Variants in NCOA2 observed in about 807,000 individuals in gnomAD.
NCOA2 encodes nuclear receptor coactivator 2.
Under a neutral mutation model 145.1 loss-of-function variants are expected in NCOA2, and 21 were observed. That is an observed-to-expected ratio of 0.14 (90% confidence interval 0.10 to 0.21). NCOA2 has a LOEUF of 0.21. Among genes scored for constraint, NCOA2 ranks in the 10% least tolerant of loss-of-function variants. The pLI, the probability that NCOA2 is intolerant of heterozygous loss-of-function variation, is 1.00. For missense variants in NCOA2, 1,472 were observed against 1,837.6 expected (o/e 0.80, Z 3.64); for synonymous variants, 619 against 637.5 (o/e 0.97, Z 0.44).
At chr8:70,139,410 A>G (rs76427851) in intron 14 of NCOA2, among the ~76,000 whole-genome samples, 4,551 of 152,212 alleles carry the variant, frequency 0.03, 218 homozygotes, top group African/African-American at 0.1. Context: ...ATATTTTTAA[A>G]TTTCTCATTT....
intron 2 of NCOA2, among the ~76,000 whole-genome samples, chr8:70,224,969 C>A (rs967520444): frequency 1.3e-5 from 2 of 151,420 alleles, no homozygotes; most frequent in African/African-American, 4.9e-5. Flanking sequence ...CCTCTCCTGT[C>A]CAGAGTCTCA....
chr8:70,189,671 T>C (rs1396349083), intron 4 of NCOA2, among the ~76,000 whole-genome samples: 14 of 152,200 alleles, frequency 9.2e-5, no homozygotes, highest in Admixed American at 8.5e-4. Context: ...AAATACATGA[T>C]ATTAGATGGT....
At chr8:70,176,164 T>C (rs956518390) in intron 4 of NCOA2, among the ~76,000 whole-genome samples, 55 of 152,314 alleles carry the variant, frequency 3.6e-4, no homozygotes, top group African/African-American at 1.2e-3. Context: ...TACAAAGAAG[T>C]TTACAAATGT....
chr8:70,422,345 G>A, the NCOA2 span, among the ~76,000 whole-genome samples: 4,985 of 151,870 alleles, frequency 0.033, 158 homozygotes, highest in Non-Finnish European at 0.042. Flanking sequence ...TTGAAGTCTC[G>A]TGTTTTGCCT....
At chr8:70,450,515 T>C in the NCOA2 span, among the ~76,000 whole-genome samples, 2 of 151,796 alleles carry the variant, frequency 1.3e-5, no homozygotes, top group African/African-American at 4.8e-5. Flanking sequence ...AACTACCCAG[T>C]GTATGATACT....
chr8:70,250,374 CAG>C (rs2134711789), intron 2 of NCOA2, among the ~76,000 whole-genome samples: 1 of 115,154 alleles, frequency 8.7e-6, no homozygotes, highest in Non-Finnish European at 1.6e-5. Flanking sequence ...GCCTGGTTGA[CAG>C]AGTGAGACCC....
intron 1 of NCOA2, among the ~76,000 whole-genome samples, chr8:70,315,435 ATAT>A (rs1406429983): frequency 6.6e-6 from 1 of 152,204 alleles, no homozygotes; most frequent in Admixed American, 6.5e-5. Context: ...AATTATAACC[ATAT>A]TATTAATACT....
intron 11 of NCOA2, among the ~76,000 whole-genome samples, chr8:70,152,569 C>A (rs1355830768): frequency 6.6e-6 from 1 of 152,150 alleles, no homozygotes; most frequent in Non-Finnish European, 1.5e-5. Flanking sequence ...CGTGTCTCAG[C>A]AGCATTAGAA....
In NCOA2 at chr8:70,213,967, G is replaced by C; in HGVS notation, c.195C>G (p.Phe65Leu). Reference sequence around the variant, plus strand: ...TTAAGATTGCACATTTGTCAGGTTTGAAGTTAAAGTTGTCTATATCATTAA... The same window carrying C: ...TTAAGATTGCACATTTGTCAGGTTTCAAGTTAAAGTTGTCTATATCATTAA... ...ANFNDIDNFN[F>L]KPDKCAILKE... Residue 65 changes from phenylalanine (F) to leucine (L), a missense_variant, in exon 4 of 23, where the codon TTC becomes TTG. Around this residue, in one of 4 missense-constraint regions of NCOA2, gnomAD observed 284 missense variants for 467.8 expected, o/e 0.61. Transcript: ENST00000452400. The C allele has an allele frequency of 6.2e-7, 1 of 1,612,574 alleles. No homozygotes were observed. The highest frequency in any genetic ancestry group is 8.5e-7 in the Non-Finnish European group (1 of 1,179,368).
chr8:70,233,141 G>A (rs774129996), intron 2 of NCOA2, among the ~76,000 whole-genome samples: 1 of 151,758 alleles, frequency 6.6e-6, no homozygotes, highest in African/African-American at 2.4e-5. Flanking sequence ...CAGGAGAATC[G>A]CTTGAACCCA....
chr8:70,231,192 T>C (rs559268146), intron 2 of NCOA2, among the ~76,000 whole-genome samples: 3 of 152,272 alleles, frequency 2.0e-5, no homozygotes, highest in African/African-American at 7.2e-5. Flanking sequence ...AGTATGCGAG[T>C]TCCCTTCTCA....
intron 2 of NCOA2, among the ~76,000 whole-genome samples, chr8:70,242,335 A>G (rs1822210022): frequency 6.6e-6 from 1 of 152,166 alleles, no homozygotes; most frequent in Non-Finnish European, 1.5e-5. Context: ...CATACATAGC[A>G]ATAACCATGT....
rs539394820 is a variant in NCOA2 at position 70,190,678 on chromosome 8, C to A, written c.260-15819G>T. On this transcript the variant is annotated intron_variant, in intron 4 of 22. Transcript: ENST00000452400. ...ACCAGCCTGGCCAACATGGCAAAAC[C>A]CTGTCTCTACTAAAAATACAAAAAA... Among the ~76,000 whole-genome samples, 112 of 152,202 alleles carry A rather than the reference C, an allele frequency of 7.4e-4. 2 individuals carry two copies. The South Asian group carries it at 0.023, about 31-fold the overall frequency.
chr8:70,192,793 G>T (rs1199971517), intron 4 of NCOA2, among the ~76,000 whole-genome samples: 1 of 152,190 alleles, frequency 6.6e-6, no homozygotes, highest in Non-Finnish European at 1.5e-5. Context: ...ACCTGGCCAA[G>T]AACGGTGGCT....
chr8:70,308,716 T>C lies in NCOA2; in HGVS notation c.-76-11916A>G, dbSNP rs112595433. 4.9e-3 allele frequency among the ~76,000 whole-genome samples: 747 copies of C among 152,270 alleles called. 4 individuals carry two copies. Among genetic ancestry groups the C allele is most frequent in the Non-Finnish European group, 7.4e-3 (503 of 68,012 alleles). The stretch of plus-strand genomic sequence containing the variant: ...CACTCTAGGCAGTCAGGCCACAAAC[T>C]ACAGCATGGAGAGAAAAGAGGAGCT... On this transcript the variant is annotated intron_variant, in intron 1 of 22. Coordinates refer to ENST00000452400, the MANE Select transcript of NCOA2 (RefSeq NM_006540.4).
the NCOA2 span, among the ~76,000 whole-genome samples, chr8:70,433,953 A>G: frequency 4.6e-5 from 7 of 152,286 alleles, no homozygotes; most frequent in African/African-American, 1.7e-4. Flanking sequence ...AACTTCAGGG[A>G]AAAAAATATT....
At chr8:70,198,539 G>C (rs1817577370) in intron 4 of NCOA2, among the ~76,000 whole-genome samples, 1 of 152,186 alleles carries the variant, frequency 6.6e-6, no homozygotes, top group African/African-American at 2.4e-5. Flanking sequence ...AATGGTGATA[G>C]CAGCGGGGAT....
chr8:70,412,397 TTA>T, the NCOA2 span, among the ~76,000 whole-genome samples: 1,367 of 148,948 alleles, frequency 9.2e-3, 18 homozygotes, highest in African/African-American at 0.032. Context: ...ACAACATATT[TTA>T]TATATATATA....
intron 1 of NCOA2, among the ~76,000 whole-genome samples, chr8:70,304,471 AT>A (rs71558593): frequency 0.11 from 15,215 of 141,748 alleles, 946 homozygotes; most frequent in Non-Finnish European, 0.16. Context: ...CTATATGCAT[AT>A]TTTTTTTTTT....
Sources: allele counts gnomAD v4.1 joint callset (sites outside exome capture counted in the v4.1 genomes callset), GRCh38; gene constraint gnomAD v4.1.1; regional missense constraint gnomAD v4.1.1; transcripts MANE v1.5; gene names NCBI Gene and HGNC (gene_info 2026-07-23, HGNC 2026-07-21).